The following EIF4E3 variants were observed in gnomAD, a reference collection of about 807,000 sequenced individuals.
EIF4E3 encodes eukaryotic translation initiation factor 4E family member 3.
In EIF4E3, 26 loss-of-function variants were observed where a neutral mutation model predicts 31.7. The ratio of observed to expected loss-of-function variants is 0.82; its 90% confidence interval spans 0.60 to 1.14. The LOEUF is 1.14. EIF4E3 is among the 50% of genes most tolerant of loss of function. EIF4E3 has a pLI of 0.00. For synonymous variants in EIF4E3, 128 were observed against 107.7 expected (o/e 1.19, Z -1.17); for missense variants, 304 against 270.9 (o/e 1.12, Z -0.86).
chr3:71,718,322 C>T (rs2049495635), intron 1 of EIF4E3, among the ~76,000 whole-genome samples: 1 of 152,216 alleles, frequency 6.6e-6, no homozygotes, highest in Non-Finnish European at 1.5e-5. Flanking sequence ...AAAAATGGCC[C>T]AAGCCCTATT....
chr3:71,749,808 G>C (rs1280857453), intron 1 of EIF4E3, among the ~76,000 whole-genome samples: 2 of 152,194 alleles, frequency 1.3e-5, no homozygotes, highest in African/African-American at 4.8e-5. Flanking sequence ...GTTTTGCTTT[G>C]AGATGAAGGC....
At chr3:71,703,598 G>A (rs753798159) in intron 2 of EIF4E3, among the ~76,000 whole-genome samples, 1 of 152,088 alleles carries the variant, frequency 6.6e-6, no homozygotes, top group Non-Finnish European at 1.5e-5. Flanking sequence ...GAGCAACTAT[G>A]CCCCACCTTA....
chr3:71,690,970 G>A (rs2049055957), intron 5 of EIF4E3, among the ~76,000 whole-genome samples: 1 of 152,192 alleles, frequency 6.6e-6, no homozygotes, highest in African/African-American at 2.4e-5. Flanking sequence ...GATTAGGGCT[G>A]TCTTGCACAT....
chr3:71,734,470 A>T (rs950837377), intron 1 of EIF4E3, among the ~76,000 whole-genome samples: 3 of 152,206 alleles, frequency 2.0e-5, no homozygotes, highest in African/African-American at 7.2e-5. Flanking sequence ...TTATTGGACT[A>T]AAATATTTTA....
At chr3:71,674,218 T>C (rs1475187847), downstream of EIF4E3, among the ~76,000 whole-genome samples, 7 of 147,460 alleles carry the variant, frequency 4.7e-5, no homozygotes, top group East Asian at 1.4e-3. Flanking sequence ...GTGATTCTTA[T>C]GCCTCGGCCT....
chr3:71,750,288 T>C (rs781536219), intron 1 of EIF4E3, among the ~76,000 whole-genome samples: 8 of 152,052 alleles, frequency 5.3e-5, no homozygotes, highest in Admixed American at 2.6e-4. Flanking sequence ...AATGGACACA[T>C]TTGAGATTCC....
At chr3:71,729,001 G>A (rs901918611), upstream of EIF4E3, 2 of 152,356 alleles carry the variant, frequency 1.3e-5, no homozygotes, top group African/African-American at 4.8e-5. Flanking sequence ...GGAGGAGAGG[G>A]GGAAATCGCT....
At chr3:71,720,537 T>G (rs1007591606) in intron 1 of EIF4E3, among the ~76,000 whole-genome samples, 2 of 151,948 alleles carry the variant, frequency 1.3e-5, no homozygotes, top group African/African-American at 4.8e-5. Flanking sequence ...CACCACCACC[T>G]CTCAAAGCTG....
chr3:71,721,749 T>A (rs976488442), intron 1 of EIF4E3, among the ~76,000 whole-genome samples: 3 of 152,174 alleles, frequency 2.0e-5, no homozygotes, highest in Admixed American at 2.0e-4. Flanking sequence ...AACGTGGAAC[T>A]GTGAGTCAAA....
chr3:71,741,916 C>T (rs553441371), intron 1 of EIF4E3, among the ~76,000 whole-genome samples: 8 of 152,226 alleles, frequency 5.3e-5, no homozygotes, highest in African/African-American at 1.9e-4. Flanking sequence ...CTCTATAACT[C>T]ATGGATCAAA....
chr3:71,662,242 T>C, the EIF4E3 span, among the ~76,000 whole-genome samples: 2 of 152,198 alleles, frequency 1.3e-5, no homozygotes, highest in African/African-American at 4.8e-5. Flanking sequence ...AAGAAGCGTC[T>C]CTTAGCTGGA....
At chr3:71,710,277 C>T in intron 2 of EIF4E3, 135 bp downstream of exon 2, 1 of 977,726 alleles carries the variant, frequency 1.0e-6, no homozygotes, top group Non-Finnish European at 1.6e-6. Flanking sequence ...GCAGCTGTGC[C>T]AACCTGGACC....
upstream of EIF4E3, among the ~76,000 whole-genome samples, chr3:71,726,745 AC>A (rs1408264967): frequency 2.6e-5 from 4 of 152,232 alleles, no homozygotes; most frequent in African/African-American, 9.6e-5. Context: ...AATAATAAAA[AC>A]AAGACCGCTG....
intron 2 of EIF4E3, among the ~76,000 whole-genome samples, chr3:71,703,081 T>C (rs1044722660): frequency 6.6e-6 from 1 of 152,246 alleles, no homozygotes; most frequent in Non-Finnish European, 1.5e-5. Flanking sequence ...AAGCACAATG[T>C]TTATTAATGA....
At chr3:71,716,399 AT>A (rs1253985750) in intron 1 of EIF4E3, among the ~76,000 whole-genome samples, 1 of 151,930 alleles carries the variant, frequency 6.6e-6, no homozygotes, top group African/African-American at 2.4e-5. Flanking sequence ...CGCCCAGCTA[AT>A]TTTTTTGTAT....
At chr3:71,746,108 G>A (rs78208472) in intron 1 of EIF4E3, among the ~76,000 whole-genome samples, 129 of 152,088 alleles carry the variant, frequency 8.5e-4, no homozygotes, top group Non-Finnish European at 1.4e-3. Flanking sequence ...TATATTAGTC[G>A]ACAAAGCTTT....
At chr3:71,729,423 A>C (rs372637445), upstream of EIF4E3, among the ~76,000 whole-genome samples, 7 of 152,254 alleles carry the variant, frequency 4.6e-5, no homozygotes, top group African/African-American at 1.4e-4. Flanking sequence ...AGAACATGGG[A>C]GGGAATTGGC....
At chr3:71,741,194 GCACACACACACA>G (rs147940981) in intron 1 of EIF4E3, among the ~76,000 whole-genome samples, 66 of 149,320 alleles carry the variant, frequency 4.4e-4, no homozygotes, top group South Asian at 1.1e-3. Flanking sequence ...ACATGCACGC[GCACACACACACA>G]CACACACACA....
At position 71,732,038 on chromosome 3, in the gene EIF4E3, T is replaced by C. The variant is rs192777623; in HGVS notation, c.-290-3415A>G. ...CTATTTCTTGGTGCATTTTCAGCTCTGCCACAACATGAGCTCCCGAAGACA... is the reference window on the plus strand; with the variant it reads ...CTATTTCTTGGTGCATTTTCAGCTCCGCCACAACATGAGCTCCCGAAGACA... On this transcript the variant is annotated intron_variant, in intron 1 of 7. Transcript: ENST00000295612. Among the ~76,000 whole-genome samples the C allele has an allele frequency of 4.5e-3, 680 of 152,324 alleles. 5 individuals are homozygous for C. Among genetic ancestry groups the C allele is most frequent in the Middle Eastern group, 0.014 (4 of 294 alleles).
Sources: gnomAD v4.1 joint callset for allele counts (sites outside exome capture counted in the v4.1 genomes callset) on GRCh38, gnomAD v4.1.1 for gene constraint, MANE v1.5 for transcripts, NCBI Gene and HGNC (gene_info 2026-07-23, HGNC 2026-07-21) for gene names.